The following CFI variants were observed in gnomAD, a reference collection of about 807,000 sequenced individuals.
CFI encodes the protein C3B/C4B inactivator.
CFI carries 66 observed loss-of-function variants against 78.8 expected under a neutral mutation model. That is an observed-to-expected ratio of 0.84 (90% CI 0.69 to 1.03). CFI has a LOEUF of 1.03. Among genes scored for constraint, CFI ranks in the 50% least tolerant of loss-of-function variants. The probability of loss-of-function intolerance (pLI) is 0.00; values close to 1 mark genes in which losing one functional copy is unlikely to be tolerated. For missense variants in CFI, 706 were observed against 704.5 expected (o/e 1.00, Z -0.02); for synonymous variants, 250 against 232.6 (o/e 1.07, Z -0.68).
chr4:109,750,819 C>A (rs1435406518), intron 8 of CFI, among the ~76,000 whole-genome samples: 2 of 152,166 alleles, frequency 1.3e-5, no homozygotes, highest in Non-Finnish European at 2.9e-5. Flanking sequence ...GAGGCTAAAG[C>A]AACTTCATCT....
At chr4:109,754,077 A>G (rs527509270) in intron 7 of CFI, among the ~76,000 whole-genome samples, 4 of 151,494 alleles carry the variant, frequency 2.6e-5, no homozygotes, top group African/African-American at 4.9e-5. Flanking sequence ...TCCGCCTCCC[A>G]GGTTCAAGCG....
downstream of CFI, among the ~76,000 whole-genome samples, chr4:109,736,510 G>A (rs1441446752): frequency 6.6e-6 from 1 of 152,218 alleles, no homozygotes; most frequent in Admixed American, 6.5e-5. Flanking sequence ...AAAGTGAAGG[G>A]CAAGAGATGG....
intron 8 of CFI, 111 bp from the exon 9 acceptor site, chr4:109,749,713 A>G: frequency 2.8e-6 from 2 of 720,132 alleles, no homozygotes; most frequent in Non-Finnish European, 5.0e-6. Context: ...CCAGTACAAG[A>G]CAGGCTGGAA....
At chr4:109,755,616 C>A (rs1365262702) in intron 7 of CFI, among the ~76,000 whole-genome samples, 1 of 152,150 alleles carries the variant, frequency 6.6e-6, no homozygotes, top group Non-Finnish European at 1.5e-5. Context: ...TGTTCCGTTG[C>A]TCTCTTGCCC....
intron 1 of CFI, among the ~76,000 whole-genome samples, chr4:109,777,606 T>C (rs2125837899): frequency 6.6e-6 from 1 of 152,272 alleles, no homozygotes; most frequent in South Asian, 2.1e-4. Flanking sequence ...ATCCAGGAAT[T>C]GAACTCAGCT....
chr4:109,739,511 G>T (rs982241324), downstream of CFI, among the ~76,000 whole-genome samples: 1 of 152,112 alleles, frequency 6.6e-6, no homozygotes, highest in African/African-American at 2.4e-5. Flanking sequence ...GAGGGAGACT[G>T]GGCACCTACA....
chr4:109,776,109 T>A (rs555107007), intron 1 of CFI, among the ~76,000 whole-genome samples: 1 of 152,234 alleles, frequency 6.6e-6, no homozygotes, highest in Admixed American at 6.5e-5. Context: ...CAAAGCTGGA[T>A]GGAGAATGAT....
At chr4:109,756,972 A>AGAAG (rs1579206039) in intron 7 of CFI, among the ~76,000 whole-genome samples, 1 of 141,778 alleles carries the variant, frequency 7.1e-6, no homozygotes, top group Non-Finnish European at 1.6e-5. Context: ...AAAGAAAGAA[A>AGAAG]GAAAGAAATT....
chr4:109,795,459 T>G (rs1731941047), intron 1 of CFI, among the ~76,000 whole-genome samples: 1 of 152,050 alleles, frequency 6.6e-6, no homozygotes, highest in African/African-American at 2.4e-5. Context: ...ACAAGGATTA[T>G]GAAGAAAAAA....
At chr4:109,760,429 T>C (rs769192209) in intron 5 of CFI, 49 bp from the exon 6 acceptor site, 3 of 1,516,990 alleles carry the variant, frequency 2.0e-6, no homozygotes, top group Non-Finnish European at 2.7e-6. Context: ...TAAAGTTGAA[T>C]GAGGTACAAT....
chr4:109,749,220 G>C lies in CFI; in HGVS notation c.1146C>G (p.Leu382=). The change falls in exon 10 of 13, where the codon CTC becomes CTG. Residue 382 remains leucine (L), a splice_region_variant and synonymous_variant. Transcript: ENST00000394634. ...AATTTACTGAAGACATCTTTTACCT[G>C]AGACAATGTGCAGCAGTCAGAATCC... ...GCWILTAAHC[L]RASKTHRYQI... 6.2e-7 allele frequency: 1 copy of C among 1,613,034 alleles called. No homozygotes were observed. The highest frequency in any genetic ancestry group is 8.5e-7 in the Non-Finnish European group (1 of 1,179,008).
At position 109,761,631 on chromosome 4, in the gene CFI, G is replaced by T; in HGVS notation, c.544C>A (p.Leu182Ile). Residue 182 changes from leucine to isoleucine, a missense_variant, in exon 4 of 13, where the codon CTA (leucine) becomes ATA (isoleucine). Leu to Ile is a conservative substitution (Grantham distance 5, BLOSUM62 2). Coordinates refer to ENST00000394634, the MANE Select transcript of CFI (RefSeq NM_000204.5). Reference protein sequence around the residue: ...SDLSINSTECLHVHCRGLETS... With the variant: ...SDLSINSTECIHVHCRGLETS... ...TCTAATCCTCGGCAATGCACATGTAGACATTCAGTGGAATTTATAGAGAGA... is the reference window on the plus strand; with the variant it reads ...TCTAATCCTCGGCAATGCACATGTATACATTCAGTGGAATTTATAGAGAGA... 4 of 1,613,626 alleles carry T rather than the reference G, an allele frequency of 2.5e-6. No individual in the cohort carries two copies. The highest frequency in any genetic ancestry group is 3.4e-6 in the Non-Finnish European group (4 of 1,179,592).
chr4:109,744,384 G>A (rs1192272278), intron 11 of CFI, among the ~76,000 whole-genome samples: 1 of 152,150 alleles, frequency 6.6e-6, no homozygotes, highest in East Asian at 1.9e-4. Context: ...TCCTGAATGT[G>A]CCTCAGACCA....
At chr4:109,784,529 G>C (rs1016800159) in intron 1 of CFI, among the ~76,000 whole-genome samples, 3 of 152,002 alleles carry the variant, frequency 2.0e-5, no homozygotes, top group African/African-American at 7.2e-5. Context: ...AGAGATTCTT[G>C]TTGATAGATG....
chr4:109,760,230 T>A, intron 6 of CFI, 40 bp downstream of exon 6: 1 of 1,393,654 alleles, frequency 7.2e-7, no homozygotes, highest in Non-Finnish European at 1.0e-6. Context: ...AATCCCTGGA[T>A]TCAATAATGA....
At chr4:109,794,715 C>T (rs566498180) in intron 1 of CFI, among the ~76,000 whole-genome samples, 48 of 152,152 alleles carry the variant, frequency 3.2e-4, no homozygotes, top group Non-Finnish European at 6.0e-4. Context: ...ATTGCTTGAA[C>T]CTGGGAGGCA....
intron 2 of CFI, 67 bp downstream of exon 2, chr4:109,766,487 A>C (rs1362233535): frequency 9.0e-6 from 14 of 1,557,454 alleles, no homozygotes; most frequent in African/African-American, 1.4e-5. Flanking sequence ...TTATTTTCTG[A>C]TAGAAAGTAT....
At chr4:109,777,538 C>T (rs1392969558) in intron 1 of CFI, among the ~76,000 whole-genome samples, 2 of 147,382 alleles carry the variant, frequency 1.4e-5, no homozygotes, top group African/African-American at 2.5e-5. Flanking sequence ...TAATGGGAGA[C>T]TTTAACACCC....
downstream of CFI, chr4:109,740,680 GATAA>G (rs1723673711): frequency 1.7e-6 from 1 of 604,264 alleles, no homozygotes; most frequent in Non-Finnish European, 3.0e-6. Flanking sequence ...AAAATTTTCT[GATAA>G]ATAAAACTTG....
Sources: allele counts gnomAD v4.1 joint callset (sites outside exome capture counted in the v4.1 genomes callset), GRCh38; gene constraint gnomAD v4.1.1; transcripts MANE v1.5; gene names NCBI Gene and HGNC (gene_info 2026-07-23, HGNC 2026-07-21).